Variants in RBFOX1 observed in about 807,000 individuals in gnomAD.
The protein encoded by RBFOX1 is RNA binding fox-1 homolog 1.
In RBFOX1, 8 loss-of-function variants were observed where a neutral mutation model predicts 57.7. The observed-to-expected ratio is 0.14, with a 90% CI of 0.08 to 0.25. RBFOX1 has a LOEUF of 0.25. Among genes scored for constraint, RBFOX1 ranks in the 10% least tolerant of loss-of-function variants. The pLI, the probability that RBFOX1 is intolerant of heterozygous loss-of-function variation, is 1.00. For missense variants in RBFOX1, 611 were observed against 548.5 expected (o/e 1.11, Z -1.14); for synonymous variants, 326 against 222.4 (o/e 1.47, Z -4.15).
intron 2 of RBFOX1, among the ~76,000 whole-genome samples, chr16:6,550,182 T>C (rs183496469): frequency 6.6e-6 from 1 of 152,146 alleles, no homozygotes; most frequent in East Asian, 1.9e-4. Flanking sequence ...ACTTCTTTTT[T>C]GGGGGTTGGC....
At chr16:5,835,241 C>T (rs1012230581) in intron 3 of RBFOX1, among the ~76,000 whole-genome samples, 16 of 152,116 alleles carry the variant, frequency 1.1e-4, no homozygotes, top group African/African-American at 2.7e-4. Context: ...GCAATGAGCA[C>T]GTGACAATAC....
At chr16:6,093,240 G>A (rs1238657538) in intron 1 of RBFOX1, among the ~76,000 whole-genome samples, 1 of 152,006 alleles carries the variant, frequency 6.6e-6, no homozygotes, top group East Asian at 1.9e-4. Context: ...TAATTAAAAC[G>A]AGCAACATGT....
rs144359746 is a variant in RBFOX1, at chr16:7,242,733, C to T, written c.27+190635C>T. 5.5e-3 allele frequency among the ~76,000 whole-genome samples: 837 copies of T among 152,284 alleles called. 3 individuals are homozygous for T. The highest frequency in any genetic ancestry group is 0.017 in the Middle Eastern group (5 of 292). On this transcript the variant is annotated intron_variant, in intron 4 of 15. Coordinates refer to ENST00000550418, the MANE Select transcript of RBFOX1 (RefSeq NM_018723.4). The stretch of plus-strand genomic sequence containing the variant: ...GACCAGGTTTCTGATTGAGTGGCCA[C>T]GTGCATGATGGGTTGGGTTGGACTA...
chr16:7,667,494 T>C (rs1207887945), intron 13 of RBFOX1, among the ~76,000 whole-genome samples: 1 of 152,176 alleles, frequency 6.6e-6, no homozygotes, highest in Non-Finnish European at 1.5e-5. Context: ...AGCTTCGTTT[T>C]TAAAAGAGAT....
chr16:6,840,326 G>T (rs900086983), intron 3 of RBFOX1, among the ~76,000 whole-genome samples: 1 of 152,180 alleles, frequency 6.6e-6, no homozygotes, highest in African/African-American at 2.4e-5. Flanking sequence ...CTGCAGGGCC[G>T]CCTCTAACAT....
At chr16:6,922,915 T>G (rs2074794012) in intron 3 of RBFOX1, among the ~76,000 whole-genome samples, 2 of 152,166 alleles carry the variant, frequency 1.3e-5, no homozygotes, top group South Asian at 4.1e-4. Context: ...ATGTCTGTAT[T>G]TCCTTTTGGC....
At position 6,088,774 on chromosome 16, in the gene RBFOX1, A is replaced by AG. The variant is rs200095744; in HGVS notation, c.-127+68786dup. 9.9e-3 allele frequency among the ~76,000 whole-genome samples: 1,501 copies of AG among 152,244 alleles called. 27 individuals are homozygous for AG. Among genetic ancestry groups the AG allele is most frequent in the African/African-American group, 0.034 (1,417 of 41,542 alleles). ...ACTTGTGTGAGTAATTTCCTGAAGA[A>AG]GGGGTTTCATTCTTCAGATCCTCAA... On this transcript the variant is annotated intron_variant, in intron 1 of 15. Transcript: ENST00000550418.
intron 3 of RBFOX1, among the ~76,000 whole-genome samples, chr16:6,665,712 T>G (rs2098728348): frequency 6.6e-6 from 1 of 151,728 alleles, no homozygotes; most frequent in African/African-American, 2.4e-5. Flanking sequence ...TAAATAATAA[T>G]AATAATAGCA....
intron 1 of RBFOX1, among the ~76,000 whole-genome samples, chr16:6,151,815 AG>A (rs1269738621): frequency 2.8e-4 from 43 of 152,188 alleles, no homozygotes; most frequent in Admixed American, 2.8e-3. Flanking sequence ...TTAAGTAGTA[AG>A]GGGGAGAACT....
chr16:5,551,674 C>T (rs186563799), intron 2 of RBFOX1, among the ~76,000 whole-genome samples: 1 of 152,138 alleles, frequency 6.6e-6, no homozygotes, highest in Non-Finnish European at 1.5e-5. Flanking sequence ...GATACACGTG[C>T]AGGTTTGTTA....
chr16:5,594,581 C>A (rs1411262351), intron 2 of RBFOX1, among the ~76,000 whole-genome samples: 2 of 152,138 alleles, frequency 1.3e-5, no homozygotes, highest in African/African-American at 2.4e-5. Flanking sequence ...CAGGGAGACA[C>A]TGGGAGAGGA....
chr16:5,388,356 T>C (rs1046584697), intron 1 of RBFOX1, among the ~76,000 whole-genome samples: 2 of 152,074 alleles, frequency 1.3e-5, no homozygotes, highest in African/African-American at 4.8e-5. Context: ...ACAACAAGCT[T>C]TTTCTATAAA....
intron 1 of RBFOX1, among the ~76,000 whole-genome samples, chr16:6,187,615 A>G (rs1306125266): frequency 3.3e-5 from 5 of 152,204 alleles, no homozygotes; most frequent in African/African-American, 1.2e-4. Flanking sequence ...AGATTTTCAT[A>G]TTAATCCAGG....
intron 4 of RBFOX1, among the ~76,000 whole-genome samples, chr16:7,462,681 G>C (rs1051318419): frequency 6.6e-6 from 1 of 152,178 alleles, no homozygotes; most frequent in African/African-American, 2.4e-5. Flanking sequence ...AGCTCACTCA[G>C]CTTTGCCTGG....
At chr16:6,524,834 G>T (rs573157935) in intron 2 of RBFOX1, among the ~76,000 whole-genome samples, 7 of 152,200 alleles carry the variant, frequency 4.6e-5, no homozygotes, top group Admixed American at 2.0e-4. Context: ...CTCCTTCTCT[G>T]TGTGTCTGAG....
chr16:7,481,468 A>C (rs987829553), intron 4 of RBFOX1, among the ~76,000 whole-genome samples: 4 of 152,168 alleles, frequency 2.6e-5, no homozygotes, highest in African/African-American at 9.7e-5. Flanking sequence ...CTGTAGTGCA[A>C]ATTACTCTCT....
At chr16:6,690,807 T>G (rs1319061557) in intron 3 of RBFOX1, among the ~76,000 whole-genome samples, 2 of 150,874 alleles carry the variant, frequency 1.3e-5, no homozygotes, top group African/African-American at 4.9e-5. Flanking sequence ...AGAAAGGTAG[T>G]GTCCCCAGGC....
At chr16:7,206,794 G>A (rs936099146) in intron 4 of RBFOX1, among the ~76,000 whole-genome samples, 1 of 152,110 alleles carries the variant, frequency 6.6e-6, no homozygotes, top group African/African-American at 2.4e-5. Flanking sequence ...ATGCAACAGG[G>A]GAGAGTGAAA....
chr16:6,292,621 G>A (rs1346273903), intron 1 of RBFOX1, among the ~76,000 whole-genome samples: 1 of 152,100 alleles, frequency 6.6e-6, no homozygotes, highest in Non-Finnish European at 1.5e-5. Context: ...GAGTCAATTT[G>A]TTTTTCACTG....
Sources: gnomAD v4.1 joint callset for allele counts (sites outside exome capture counted in the v4.1 genomes callset) on GRCh38, gnomAD v4.1.1 for gene constraint, MANE v1.5 for transcripts, NCBI Gene and HGNC (gene_info 2026-07-23, HGNC 2026-07-21) for gene names.